Variants in RNMT observed in about 807,000 individuals in gnomAD.
RNMT encodes the protein RNA guanine-7 methyltransferase, also known as mRNA cap guanine-N(7) methyltransferase.
In RNMT, 27 loss-of-function variants were observed where a neutral mutation model predicts 56.0. The ratio of observed to expected loss-of-function variants is 0.48; its 90% confidence interval spans 0.36 to 0.67. The LOEUF (loss-of-function observed/expected upper bound fraction) is 0.67. Among genes scored for constraint, RNMT ranks in the 30% least tolerant of loss-of-function variants. RNMT has a pLI of 0.00. For missense variants in RNMT, 519 were observed against 552.1 expected (o/e 0.94, Z 0.60); for synonymous variants, 184 against 176.2 (o/e 1.04, Z -0.35).
chr18:13,738,610 G>A (rs2044204187), intron 5 of RNMT, among the ~76,000 whole-genome samples: 1 of 152,134 alleles, frequency 6.6e-6, no homozygotes, highest in Non-Finnish European at 1.5e-5. Flanking sequence ...CTTCCTGCAT[G>A]ATTTTATAGT....
At chr18:13,729,106 G>T (rs1310505101) in intron 1 of RNMT, among the ~76,000 whole-genome samples, 1 of 152,072 alleles carries the variant, frequency 6.6e-6, no homozygotes, top group Non-Finnish European at 1.5e-5. Context: ...CATACTTTTG[G>T]GTATTAAATT....
At chr18:13,758,060 T>C (rs1367003783) in intron 11 of RNMT, among the ~76,000 whole-genome samples, 1 of 152,126 alleles carries the variant, frequency 6.6e-6, no homozygotes, top group African/African-American at 2.4e-5. Context: ...GAGCAGTAGG[T>C]CTCAACAGTG....
intron 10 of RNMT, among the ~76,000 whole-genome samples, chr18:13,753,191 G>A (rs952117943): frequency 2.0e-5 from 3 of 152,284 alleles, no homozygotes; most frequent in African/African-American, 2.4e-5. Context: ...AGATAGGGCC[G>A]GGTACAGTGG....
At position 13,763,290 on chromosome 18, in the gene RNMT, G is replaced by C. The variant is rs992913030; in HGVS notation, c.*3311G>C. The C allele has an allele frequency of 2.6e-6, 1 of 387,506 alleles. No individual in the cohort carries two copies. Among genetic ancestry groups the C allele is most frequent in the South Asian group, 1.9e-5 (1 of 52,482 alleles). The allele number at this position is 387,506 out of a possible 1,614,324, so 24.0% of individuals were successfully genotyped here. A position where few individuals can be genotyped will look rare whatever the true frequency, so the allele number is the denominator to read the frequency against. Reference sequence around the variant, plus strand: ...TACACTTGTGTAATGATATTTAGCAGATGCATACAGGACTGGATCCCAGGG... The same window carrying C: ...TACACTTGTGTAATGATATTTAGCACATGCATACAGGACTGGATCCCAGGG... On this transcript the variant is annotated 3_prime_UTR_variant, in exon 12 of 12. Coordinates refer to ENST00000383314, the MANE Select transcript of RNMT (RefSeq NM_003799.3).
At chr18:13,757,397 G>A (rs957119070) in intron 11 of RNMT, among the ~76,000 whole-genome samples, 1 of 152,086 alleles carries the variant, frequency 6.6e-6, no homozygotes, top group Non-Finnish European at 1.5e-5. Flanking sequence ...TTCTAAATTG[G>A]AGTCACTCCT....
At chr18:13,740,714 A>C (rs941723621) in intron 6 of RNMT, among the ~76,000 whole-genome samples, 2 of 152,236 alleles carry the variant, frequency 1.3e-5, no homozygotes, top group East Asian at 3.8e-4. Flanking sequence ...AAAATCTTGG[A>C]ATATGCATTT....
intron 9 of RNMT, among the ~76,000 whole-genome samples, chr18:13,748,629 T>G (rs1192629397): frequency 6.6e-6 from 1 of 152,140 alleles, no homozygotes; most frequent in Non-Finnish European, 1.5e-5. Context: ...TCTGCTTTCC[T>G]GGAGCGTTGG....
chr18:13,754,686 TAA>T (rs532204326), intron 11 of RNMT, among the ~76,000 whole-genome samples: 20 of 152,362 alleles, frequency 1.3e-4, no homozygotes, highest in African/African-American at 4.3e-4. Flanking sequence ...TGAGCATGTG[TAA>T]ACATTCTCAT....
At chr18:13,728,164 A>C (rs2043996267) in intron 1 of RNMT, among the ~76,000 whole-genome samples, 1 of 152,122 alleles carries the variant, frequency 6.6e-6, no homozygotes, top group Admixed American at 6.5e-5. Context: ...CAATAGCACT[A>C]GTTCTATTTT....
At chr18:13,736,975 G>A in intron 4 of RNMT, 35 bp from the exon 5 acceptor site, 1 of 1,590,504 alleles carries the variant, frequency 6.3e-7, no homozygotes, top group Non-Finnish European at 8.6e-7. Context: ...AATTGAAGAA[G>A]AGGTAGTTTA....
chr18:13,735,498 C>T (rs1324276390), intron 4 of RNMT, among the ~76,000 whole-genome samples: 1 of 68,008 alleles, frequency 1.5e-5, no homozygotes, highest in East Asian at 4.9e-4. Flanking sequence ...AATGAGTGTT[C>T]ACTTTTTTTT....
rs1294770002 is a variant in RNMT, at chr18:13,763,800, A to T, written c.*3821A>T. On this transcript the variant is annotated 3_prime_UTR_variant, in exon 12 of 12. Coordinates refer to ENST00000383314, the MANE Select transcript of RNMT (RefSeq NM_003799.3). The stretch of plus-strand genomic sequence containing the variant: ...ACCTCCACGGGTGTCAGCCCAGATG[A>T]CTCCTCACCCATCCACCACCTGCAG... 6.6e-6 allele frequency: 1 copy of T among 151,852 alleles called. No homozygotes were observed. The highest frequency in any genetic ancestry group is 1.5e-5 in the Non-Finnish European group (1 of 68,018). The allele number at this position is 151,852 out of a possible 1,614,324, so 9.4% of individuals were successfully genotyped here. A position where few individuals can be genotyped will look rare whatever the true frequency, so the allele number is the denominator to read the frequency against.
rs550741678 is a variant in RNMT, at chr18:13,764,542, A to C, written c.*4563A>C. 1 of 152,376 alleles carries C rather than the reference A, an allele frequency of 6.6e-6. No homozygotes were observed. The highest frequency in any genetic ancestry group is 1.5e-5 in the Non-Finnish European group (1 of 68,042). 9.4% of individuals were successfully genotyped at this position (152,376 alleles called of 1,614,324 possible). ...ATATTTCATTGTGTGAATAAACCACATACTGTTTATCTGACAGCTGTTTGG... is the reference window on the plus strand; with the variant it reads ...ATATTTCATTGTGTGAATAAACCACCTACTGTTTATCTGACAGCTGTTTGG... On this transcript the variant is annotated 3_prime_UTR_variant, in exon 12 of 12. Transcript: ENST00000383314.
In RNMT at chr18:13,731,450, TAATACC is replaced by T; in HGVS notation, c.-42-22_-42-17del. The stretch of plus-strand genomic sequence containing the variant: ...GTTTTAAAGTCTTAGTGTTTACAAG[TAATACC>T]AATTTTTTTCCTATTCTAGTGTTGG... On this transcript the variant is annotated intron_variant, in intron 2 of 11. Coordinates refer to ENST00000383314, the MANE Select transcript of RNMT (RefSeq NM_003799.3). The T allele has an allele frequency of 7.8e-7, 1 of 1,279,514 alleles. No individual in the cohort carries two copies. Among genetic ancestry groups the T allele is most frequent in the Non-Finnish European group, 1.1e-6 (1 of 922,196 alleles). 79.3% of individuals were successfully genotyped at this position (1,279,514 alleles called of 1,614,324 possible). A position where few individuals can be genotyped will look rare whatever the true frequency, so the allele number is the denominator to read the frequency against.
intron 3 of RNMT, 152 bp downstream of exon 3, chr18:13,732,086 T>TA (rs1421510878): frequency 1.8e-6 from 1 of 550,462 alleles, no homozygotes; most frequent in Non-Finnish European, 3.0e-6. Context: ...TTTTAACTCT[T>TA]ATGATTTCTG....
rs1265558032 is a variant in RNMT, at chr18:13,731,641, G to C, written c.124G>C (p.Gly42Arg). The C allele has an allele frequency of 1.9e-5, 30 of 1,613,998 alleles. No homozygotes were observed. The highest frequency in any genetic ancestry group is 2.5e-5 in the Non-Finnish European group (29 of 1,180,010). The change falls in exon 3 of 12, where the codon GGG (glycine) becomes CGG (arginine). Residue 42 changes from glycine to arginine, a missense_variant. By Grantham distance (125) the Gly-to-Arg change is moderately radical. Transcript: ENST00000383314. ...INENTTASGT[G>R]LSEKTSVCRQ... ...TGAAAACACAACAGCTTCTGGGACTGGGCTTTCTGAAAAGACTTCTGTCTG... is the reference window on the plus strand; with the variant it reads ...TGAAAACACAACAGCTTCTGGGACTCGGCTTTCTGAAAAGACTTCTGTCTG...
chr18:13,730,513 A>C (rs1240758421), intron 1 of RNMT, 114 bp from the exon 2 acceptor site: 1 of 152,232 alleles, frequency 6.6e-6, no homozygotes, highest in Non-Finnish European at 1.5e-5. Context: ...AAGAATTTAA[A>C]AGTATTTATG....
At chr18:13,729,076 A>G (rs1023991161) in intron 1 of RNMT, among the ~76,000 whole-genome samples, 15 of 152,172 alleles carry the variant, frequency 9.9e-5, no homozygotes, top group Admixed American at 6.5e-4. Context: ...CATTTCCACA[A>G]TGTTTTCTTC....
Position 13,764,094 on chromosome 18 carries a change from A to T in RNMT, c.*4115A>T, listed in dbSNP as rs115208761. 4.3e-3 allele frequency: 658 copies of T among 152,298 alleles called. 2 individuals are homozygous for T. Among genetic ancestry groups the T allele is most frequent in the African/African-American group, 0.015 (635 of 41,560 alleles). The allele number at this position is 152,298 out of a possible 1,614,324, so 9.4% of individuals were successfully genotyped here. A position where few individuals can be genotyped will look rare whatever the true frequency, so the allele number is the denominator to read the frequency against. ...GGAGAGGGATTCTCTTCCCACCCTC[A>T]CCATTTGCAAGTGGCAGGAGCTGAG... On this transcript the variant is annotated 3_prime_UTR_variant, in exon 12 of 12. Coordinates refer to ENST00000383314, the MANE Select transcript of RNMT (RefSeq NM_003799.3).
Sources: allele counts gnomAD v4.1 joint callset (sites outside exome capture counted in the v4.1 genomes callset), GRCh38; gene constraint gnomAD v4.1.1; transcripts MANE v1.5; gene names NCBI Gene and HGNC (gene_info 2026-07-23, HGNC 2026-07-21).